Variants in ACSM1 observed in about 807,000 individuals in gnomAD.
ACSM1 encodes the protein acyl-CoA synthetase medium chain family member 1, also known as acyl-coenzyme A synthetase ACSM1, mitochondrial.
ACSM1 carries 79 observed loss-of-function variants against 75.8 expected under a neutral mutation model. The ratio of observed to expected loss-of-function variants is 1.04; its 90% CI spans 0.87 to 1.26. ACSM1 has a LOEUF of 1.26. Ranked by LOEUF, ACSM1 falls within the 50% of genes most tolerant of loss-of-function variation. ACSM1 has a pLI of 0.00. For synonymous variants in ACSM1, 279 were observed against 265.8 expected, an observed-to-expected ratio of 1.05 and a Z score of -0.48; for missense variants, 676 against 720.1, an observed-to-expected ratio of 0.94 and a Z score of 0.70.
intron 7 of ACSM1, among the ~76,000 whole-genome samples, chr16:20,650,405 C>T (rs1401215963): frequency 6.6e-6 from 1 of 152,002 alleles, no homozygotes; most frequent in African/African-American, 2.4e-5. Flanking sequence ...GGGAGCTTGA[C>T]CCCCCACAAC....
rs2152256249 is a variant in ACSM1 at position 20,660,938 on chromosome 16, TG to T, written c.992+855del. 1.3e-5 allele frequency among the ~76,000 whole-genome samples: 2 copies of T among 152,306 alleles called. 1 individual carries two copies. Among genetic ancestry groups the T allele is most frequent in the East Asian group, 3.9e-4 (2 of 5,186 alleles). On this transcript the variant is annotated intron_variant, in intron 7 of 13. Coordinates refer to ENST00000520010, the MANE Select transcript of ACSM1 (RefSeq NM_001318890.3). ...TAATAAGTCTGACAATACCAAATGTTGGCAGGAACATGGAACAATGGAAATT... is the reference window on the plus strand; with the variant it reads ...TAATAAGTCTGACAATACCAAATGTTGCAGGAACATGGAACAATGGAAATT...
chr16:20,658,628 G>T (rs1042467962), intron 7 of ACSM1, among the ~76,000 whole-genome samples: 2 of 151,986 alleles, frequency 1.3e-5, no homozygotes, highest in South Asian at 2.1e-4. Context: ...GACTTCTCCT[G>T]TGACAAAACC....
chr16:20,633,285 A>C (rs773560431), intron 10 of ACSM1, among the ~76,000 whole-genome samples: 17 of 152,236 alleles, frequency 1.1e-4, no homozygotes, highest in Non-Finnish European at 2.2e-4. Flanking sequence ...CACTCAAAAA[A>C]AATGTTAAAG....
At chr16:20,655,780 A>G (rs2018926046) in intron 7 of ACSM1, among the ~76,000 whole-genome samples, 2 of 152,168 alleles carry the variant, frequency 1.3e-5, no homozygotes, top group Non-Finnish European at 1.5e-5. Context: ...CTCCTGCCTC[A>G]GCCTCCTGAG....
chr16:20,627,063 C>T, intron 11 of ACSM1, 126 bp downstream of exon 11: 1 of 1,282,458 alleles, frequency 7.8e-7, no homozygotes, highest in Non-Finnish European at 1.0e-6. Context: ...ATCAGGGCAC[C>T]ATAGACACGG....
chr16:20,662,095 G>A (rs993664879), intron 6 of ACSM1, among the ~76,000 whole-genome samples: 29 of 152,328 alleles, frequency 1.9e-4, no homozygotes, highest in African/African-American at 4.1e-4. Context: ...CCTATGGTGA[G>A]TAGCCACTAA....
At chr16:20,659,191 TC>T (rs898042347) in intron 7 of ACSM1, among the ~76,000 whole-genome samples, 3 of 152,116 alleles carry the variant, frequency 2.0e-5, no homozygotes, top group Admixed American at 6.6e-5. Flanking sequence ...CTCCAGGTCT[TC>T]CCCCCATTAT....
intron 9 of ACSM1, 58 bp from the exon 10 acceptor site, chr16:20,636,898 C>T: frequency 7.8e-7 from 1 of 1,285,330 alleles, no homozygotes; most frequent in Non-Finnish European, 1.1e-6. Flanking sequence ...TTCTGCCCCA[C>T]CCAAGCACTG....
intron 6 of ACSM1, among the ~76,000 whole-genome samples, chr16:20,668,318 A>G (rs1323345816): frequency 6.6e-6 from 1 of 152,232 alleles, no homozygotes; most frequent in Non-Finnish European, 1.5e-5. Context: ...TTAAGCATTT[A>G]CTAAGGCTTA....
intron 8 of ACSM1, among the ~76,000 whole-genome samples, chr16:20,638,789 A>G (rs1208678820): frequency 6.6e-6 from 1 of 152,190 alleles, no homozygotes; most frequent in Non-Finnish European, 1.5e-5. Context: ...CTCACACTGT[A>G]GGCATGTGAA....
Position 20,656,461 on chromosome 16 carries a change from G to A in ACSM1, c.992+5333C>T, listed in dbSNP as rs369704403. On this transcript the variant is annotated intron_variant, in intron 7 of 13. Transcript: ENST00000520010. ...CTCGGGTTTTGCACCCCACCCCACCGAGTGGAAATTTGGGTGACTAAAAAG... is the reference window on the plus strand; with the variant it reads ...CTCGGGTTTTGCACCCCACCCCACCAAGTGGAAATTTGGGTGACTAAAAAG... Among the ~76,000 whole-genome samples, 346 of 152,110 alleles carry A rather than the reference G, an allele frequency of 2.3e-3. 6 individuals are homozygous for A. In the South Asian group the frequency reaches 0.028, roughly 12 times the overall value.
chr16:20,640,383 G>T, intron 8 of ACSM1, 78 bp downstream of exon 8: 1 of 1,526,600 alleles, frequency 6.6e-7, no homozygotes, highest in Non-Finnish European at 9.0e-7. Flanking sequence ...TCCCAGATGC[G>T]TGTCATTAAC....
At chr16:20,638,904 C>T (rs1567257154) in intron 8 of ACSM1, among the ~76,000 whole-genome samples, 2 of 152,166 alleles carry the variant, frequency 1.3e-5, no homozygotes, top group Non-Finnish European at 2.9e-5. Flanking sequence ...TCTTCCTGGC[C>T]CACCCTCCTC....
intron 2 of ACSM1, among the ~76,000 whole-genome samples, chr16:20,690,050 T>G (rs866582202): frequency 2.6e-5 from 4 of 152,234 alleles, no homozygotes; most frequent in Admixed American, 1.3e-4. Flanking sequence ...ATGCTCTCTG[T>G]AACTGAGGGT....
At chr16:20,681,486 G>GTGGGTT in intron 4 of ACSM1, 1 of 152,274 alleles carries the variant, frequency 6.6e-6, no homozygotes, top group South Asian at 2.1e-4. Flanking sequence ...ACCCTCACTG[G>GTGGGTT]TGGGTTTTTG....
chr16:20,656,342 C>T (rs1003040086), intron 7 of ACSM1, among the ~76,000 whole-genome samples: 6 of 152,210 alleles, frequency 3.9e-5, no homozygotes, highest in Non-Finnish European at 5.9e-5. Flanking sequence ...TTTTAATTTA[C>T]ATAACCTTGA....
At chr16:20,624,843 CA>C (rs1567237878) in intron 12 of ACSM1, among the ~76,000 whole-genome samples, 1 of 151,880 alleles carries the variant, frequency 6.6e-6, no homozygotes, top group African/African-American at 2.4e-5. Flanking sequence ...TACAGGCGCC[CA>C]CCCCCCATTC....
chr16:20,625,572 G>A (rs774585776), intron 11 of ACSM1, 50 bp from the exon 12 acceptor site: 2 of 1,535,780 alleles, frequency 1.3e-6, no homozygotes, highest in Non-Finnish European at 1.8e-6. Context: ...GGTGAACCAA[G>A]TCCCCAGATC....
chr16:20,629,850 G>C (rs561533159), intron 10 of ACSM1, among the ~76,000 whole-genome samples: 4 of 152,180 alleles, frequency 2.6e-5, no homozygotes, highest in African/African-American at 7.2e-5. Context: ...AAATTAGCTG[G>C]GTGTGGTGGT....
Sources: allele counts gnomAD v4.1 joint callset (sites outside exome capture counted in the v4.1 genomes callset), GRCh38; gene constraint gnomAD v4.1.1; transcripts MANE v1.5; gene names NCBI Gene and HGNC (gene_info 2026-07-23, HGNC 2026-07-21).